The following MEGF6 variants were observed in gnomAD, a reference collection of about 807,000 sequenced individuals.
MEGF6 encodes the protein multiple EGF like domains 6.
MEGF6 carries 184 observed loss-of-function variants against 207.1 expected under a neutral mutation model. The observed-to-expected ratio is 0.89, with a 90% confidence interval of 0.79 to 1.00. MEGF6 has a LOEUF of 1.00. MEGF6 is among the 50% of genes least tolerant of loss of function. The probability of loss-of-function intolerance (pLI) is 0.00; values close to 1 mark genes in which losing one functional copy is unlikely to be tolerated. For synonymous variants in MEGF6, 1,038 were observed against 910.0 expected (o/e 1.14, Z -2.53); for missense variants, 2,282 against 2,202.9 (o/e 1.04, Z -0.72).
chr1:3,570,788 C>T (rs910239281), intron 4 of MEGF6, among the ~76,000 whole-genome samples: 2 of 152,210 alleles, frequency 1.3e-5, no homozygotes, highest in African/African-American at 2.4e-5. Flanking sequence ...CTGCCCCCTC[C>T]ACCGCCCAGC....
intron 7 of MEGF6, among the ~76,000 whole-genome samples, chr1:3,512,839 G>A (rs1641401373): frequency 6.6e-6 from 1 of 152,208 alleles, no homozygotes; most frequent in Non-Finnish European, 1.5e-5. Context: ...ACTGACCACT[G>A]CCTGGTCTGG....
chr1:3,582,587 T>C (rs901928349), intron 3 of MEGF6, among the ~76,000 whole-genome samples: 1 of 152,116 alleles, frequency 6.6e-6, no homozygotes, highest in Non-Finnish European at 1.5e-5. Flanking sequence ...AGAATACAAC[T>C]CAGATCTTGG....
intron 2 of MEGF6, among the ~76,000 whole-genome samples, chr1:3,601,851 G>C (rs12410528): frequency 6.6e-6 from 1 of 152,066 alleles, no homozygotes; most frequent in Non-Finnish European, 1.5e-5. Flanking sequence ...GCAGGGCCTC[G>C]GCTCCTCCGC....
At chr1:3,508,016 T>A in intron 13 of MEGF6, 93 bp from the exon 14 acceptor site, 2 of 1,432,570 alleles carry the variant, frequency 1.4e-6, no homozygotes, top group Non-Finnish European at 1.9e-6. Flanking sequence ...TTAGAAGCAG[T>A]TGCCTAGAGA....
At position 3,505,522 on chromosome 1, in the gene MEGF6, C is replaced by T. The variant is rs372300394; in HGVS notation, c.1953G>A (p.Ser651=). ...CPPWAFGPGC[S]EECQCVQPHT... ...GGGGCTGCACACACTGGCACTCCTC[C>T]GAGCAGCCCGGCCCAAAGGCCCACG... Residue 651 remains serine (S), a synonymous_variant, in exon 16 of 37, where the codon TCG becomes TCA. Transcript: ENST00000356575. 8.8e-6 allele frequency: 14 copies of T among 1,597,948 alleles called. No homozygotes were observed. The highest frequency in any genetic ancestry group is 1.3e-5 in the African/African-American group (1 of 74,790).
chr1:3,537,615 G>A (rs570858974), intron 4 of MEGF6, among the ~76,000 whole-genome samples: 2 of 152,372 alleles, frequency 1.3e-5, no homozygotes, highest in East Asian at 1.9e-4. Flanking sequence ...CCGCTCCCAC[G>A]GAAGGCGGGA....
intron 3 of MEGF6, 105 bp downstream of exon 3, chr1:3,595,233 G>C (rs904218113): frequency 1.3e-6 from 1 of 748,446 alleles, no homozygotes; most frequent in African/African-American, 1.7e-5. Context: ...CTCTCGTGTT[G>C]CTGGGGAAGG....
Position 3,505,473 on chromosome 1 carries a change from C to A in MEGF6, c.2002G>T (p.Asp668Tyr). ...QPHTQSCDKR[D>Y]GSCSCKAGFR... ...CCAGCCTTGCAGGAGCAGCTGCCAT[C>A]CCTCTTGTCACAGGACTGCGTGTGG... Residue 668 changes from aspartate (D) to tyrosine (Y), a missense_variant, in exon 16 of 37, where the codon GAT (aspartate) becomes TAT (tyrosine). Asp to Tyr is a radical substitution (Grantham distance 160, BLOSUM62 -3). Transcript: ENST00000356575. The A allele has an allele frequency of 6.2e-7, 1 of 1,610,834 alleles. No homozygotes were observed. Among genetic ancestry groups the A allele is most frequent in the Non-Finnish European group, 8.5e-7 (1 of 1,179,368 alleles).
the MEGF6 span, among the ~76,000 whole-genome samples, chr1:3,620,326 T>C: frequency 6.6e-6 from 1 of 152,252 alleles, no homozygotes; most frequent in Non-Finnish European, 1.5e-5. Context: ...CCATCAGCTG[T>C]AGAAATGTCT....
intron 4 of MEGF6, among the ~76,000 whole-genome samples, chr1:3,576,052 C>T (rs942268052): frequency 2.0e-5 from 3 of 152,250 alleles, no homozygotes; most frequent in Non-Finnish European, 2.9e-5. Context: ...ACCCCGGTCA[C>T]ACAGGCACAG....
intron 30 of MEGF6, among the ~76,000 whole-genome samples, chr1:3,494,997 G>A (rs2821037): frequency 0.058 from 8,893 of 152,314 alleles, 395 homozygotes; most frequent in East Asian, 0.14. Flanking sequence ...GGCTGGGTGA[G>A]CGCCTGCCCA....
chr1:3,490,656 T>C (rs1279088876), intron 36 of MEGF6, 67 bp from the exon 37 acceptor site: 1 of 1,553,902 alleles, frequency 6.4e-7, no homozygotes, highest in Non-Finnish European at 8.7e-7. Context: ...GACTGGGTTC[T>C]GGGTTGGCAC....
chr1:3,544,201 C>CCTCTCCCCCT (rs1557764930), intron 4 of MEGF6, among the ~76,000 whole-genome samples: 1 of 149,588 alleles, frequency 6.7e-6, no homozygotes, highest in African/African-American at 2.5e-5. Context: ...CCTCTCCCCC[C>CCTCTCCCCCT]AGCGTCGCAG....
In MEGF6 at chr1:3,501,242, C is replaced by T. The variant is rs372291699; in HGVS notation, c.2381G>A (p.Arg794His). 6.0e-5 allele frequency: 96 copies of T among 1,610,704 alleles called. No homozygotes were observed. Among genetic ancestry groups the T allele is most frequent in the African/African-American group, 5.7e-4 (43 of 74,976 alleles). Residue 794 changes from arginine (R) to histidine (H), a missense_variant, in exon 19 of 37, where the codon CGC (arginine) becomes CAC (histidine). Transcript: ENST00000356575. ...EICPACQHAARCDPETGACLC... is the reference protein window; with the variant it reads ...EICPACQHAAHCDPETGACLC... ...GCAGGCTCCGGTCTCAGGGTCGCAG[C>T]GGGCAGCGTGCTGGCATGCTGGGCA...
intron 3 of MEGF6, among the ~76,000 whole-genome samples, chr1:3,585,181 G>C (rs1209534589): frequency 6.7e-6 from 1 of 148,884 alleles, no homozygotes; most frequent in African/African-American, 2.4e-5. Context: ...CTGTGTGTGG[G>C]TGTGAGTGAC....
chr1:3,599,156 G>A (rs79167494), intron 2 of MEGF6, among the ~76,000 whole-genome samples: 7,652 of 152,302 alleles, frequency 0.05, 312 homozygotes, highest in East Asian at 0.12. Flanking sequence ...CAGCCACTGC[G>A]GGGCCAGCCT....
intron 4 of MEGF6, among the ~76,000 whole-genome samples, chr1:3,530,249 G>A (rs4648392): frequency 0.031 from 4,671 of 152,324 alleles, 130 homozygotes; most frequent in East Asian, 0.1. Context: ...CACTGAGGGC[G>A]TGGTGCTTAG....
chr1:3,609,833 A>C (rs573048674), intron 1 of MEGF6, among the ~76,000 whole-genome samples: 2 of 152,278 alleles, frequency 1.3e-5, no homozygotes, highest in African/African-American at 4.8e-5. Context: ...TCCACAGTGC[A>C]CTGGTGGCAG....
At chr1:3,531,537 C>A (rs1642172440) in intron 4 of MEGF6, 1 of 1,009,828 alleles carries the variant, frequency 9.9e-7, no homozygotes, top group East Asian at 8.8e-5. Context: ...CGCCCCACCT[C>A]CCCCAGGGGG....
Sources: allele counts gnomAD v4.1 joint callset (sites outside exome capture counted in the v4.1 genomes callset), GRCh38; gene constraint gnomAD v4.1.1; transcripts MANE v1.5; gene names NCBI Gene and HGNC (gene_info 2026-07-23, HGNC 2026-07-21).